The following ARPC4 variants were observed in gnomAD, a reference collection of about 807,000 sequenced individuals.
ARPC4 encodes actin-related protein 2/3 complex subunit 4.
A neutral mutation model predicts 22.8 loss-of-function variants in ARPC4; 3 were observed. The observed-to-expected ratio is 0.13, with a 90% confidence interval of 0.06 to 0.34. The LOEUF (loss-of-function observed/expected upper bound fraction) is 0.34, where lower values mean the gene tolerates loss of function less well. Among genes scored for constraint, ARPC4 ranks in the 10% least tolerant of loss-of-function variants. The pLI is 1.00. For synonymous variants in ARPC4, 80 were observed against 72.5 expected (o/e 1.10, Z -0.52); for missense variants, 98 against 211.0 (o/e 0.46, Z 3.32).
intron 1 of ARPC4, among the ~76,000 whole-genome samples, chr3:9,795,717 T>C (rs575494252): frequency 2.6e-5 from 4 of 152,280 alleles, no homozygotes; most frequent in African/African-American, 7.2e-5. Context: ...CTGAGCTAGG[T>C]TGGAGGCTAT....
Position 9,804,027 on chromosome 3 carries a change from T to C in ARPC4, c.501+14T>C. On this transcript the variant is annotated intron_variant, in intron 5 of 5. Coordinates refer to ENST00000397261, the MANE Select transcript of ARPC4 (RefSeq NM_005718.5). ...TTCCTTAAGAATGTGAGTAGGGGCC[T>C]TTAGCTTTCCTTCCAGAGGCCAGAG... The C allele has an allele frequency of 6.2e-7, 1 of 1,612,284 alleles. No individual in the cohort carries two copies. The highest frequency in any genetic ancestry group is 8.5e-7 in the Non-Finnish European group (1 of 1,178,926).
intron 5 of ARPC4, 71 bp from the exon 6 acceptor site, chr3:9,806,139 C>G (rs1166967544): frequency 1.2e-5 from 19 of 1,552,180 alleles, no homozygotes; most frequent in African/African-American, 4.1e-5. Flanking sequence ...CAGGTTCATG[C>G]ACCTCCTTAG....
upstream of ARPC4, chr3:9,792,834 G>A (rs756497901): frequency 3.8e-5 from 51 of 1,359,202 alleles, no homozygotes; most frequent in Non-Finnish European, 4.6e-5. Context: ...GGGGGAGGCT[G>A]TGGCAAAGGT....
At chr3:9,796,863 C>T (rs2078903466) in intron 1 of ARPC4, among the ~76,000 whole-genome samples, 1 of 150,214 alleles carries the variant, frequency 6.7e-6, no homozygotes, top group Non-Finnish European at 1.5e-5. Flanking sequence ...AGGGCATGAA[C>T]CCGGGAGGTG....
intron 5 of ARPC4, 53 bp downstream of exon 5, chr3:9,804,066 T>A: frequency 3.8e-6 from 6 of 1,592,814 alleles, no homozygotes; most frequent in Non-Finnish European, 5.1e-6. Context: ...CTGGGGGTCA[T>A]GTTGAGAACT....
Position 9,800,308 on chromosome 3 carries a change from A to G in ARPC4, c.234+12A>G, listed in dbSNP as rs760436362. The G allele has an allele frequency of 9.3e-6, 15 of 1,613,646 alleles. No individual in the cohort carries two copies. Among genetic ancestry groups the G allele is most frequent in the East Asian group, 6.7e-5 (3 of 44,886 alleles). On this transcript the variant is annotated intron_variant, in intron 3 of 5. Coordinates refer to ENST00000397261, the MANE Select transcript of ARPC4 (RefSeq NM_005718.5). ...TTGCTGTGAAACAGGTAAGTTCACC[A>G]TGGAGGAGGCCCAACGTAAGGCCTC...
upstream of ARPC4, chr3:9,793,061 G>T: frequency 3.2e-6 from 5 of 1,544,996 alleles, no homozygotes; most frequent in Non-Finnish European, 4.4e-6. Flanking sequence ...TCGCGAAAGG[G>T]CAGGCATCGC....
intron 1 of ARPC4, among the ~76,000 whole-genome samples, chr3:9,795,166 T>A (rs1356748567): frequency 6.6e-6 from 1 of 152,004 alleles, no homozygotes; most frequent in African/African-American, 2.4e-5. Flanking sequence ...CCACAGCTAA[T>A]TTTTTGTATT....
At chr3:9,794,745 C>T (rs1329963726) in intron 1 of ARPC4, among the ~76,000 whole-genome samples, 1 of 152,140 alleles carries the variant, frequency 6.6e-6, no homozygotes, top group Non-Finnish European at 1.5e-5. Context: ...TTTCCGTCAC[C>T]CCAAAAAGTT....
At position 9,796,095 on chromosome 3, in the gene ARPC4, C is replaced by A. The variant is rs780827248; in HGVS notation, c.4-1564C>A. On this transcript the variant is annotated intron_variant, in intron 1 of 5. Coordinates refer to ENST00000397261, the MANE Select transcript of ARPC4 (RefSeq NM_005718.5). ...TGGACAACAGAGTAAGACTCTGTCTCAAAAAAAAATAAAAAAGGCCAGGCA... is the reference window on the plus strand; with the variant it reads ...TGGACAACAGAGTAAGACTCTGTCTAAAAAAAAAATAAAAAAGGCCAGGCA... Among the ~76,000 whole-genome samples, 4 of 149,788 alleles carry A rather than the reference C, an allele frequency of 2.7e-5. 1 individual carries two copies. Among genetic ancestry groups the A allele is most frequent in the African/African-American group, 9.8e-5 (4 of 40,692 alleles).
chr3:9,804,229 TC>T, intron 5 of ARPC4: 1 of 491,054 alleles, frequency 2.0e-6, no homozygotes, highest in Non-Finnish European at 3.6e-6. Context: ...TATTTGGGTG[TC>T]TGGGGTGGCT....
intron 3 of ARPC4, among the ~76,000 whole-genome samples, chr3:9,801,111 T>C (rs529751047): frequency 6.9e-6 from 1 of 145,504 alleles, no homozygotes; most frequent in Admixed American, 7.3e-5. Flanking sequence ...CTTGGGAGGC[T>C]GAGGCAGGAG....
rs373432995 is a variant in ARPC4, at chr3:9,806,299, G to A, written c.*84G>A. ...GTCCTGGAGTCACTCCCCGAGCAGC[G>A]CGGCGGCGGCAGGGAGTTGGGTTGG... is the stretch of plus-strand genomic sequence containing the variant. On this transcript the variant is annotated 3_prime_UTR_variant, in exon 6 of 6. Transcript: ENST00000397261. The A allele has an allele frequency of 9.0e-5, 135 of 1,500,984 alleles. 3 individuals are homozygous for A. The South Asian group carries it at 1.3e-3, about 15-fold the overall frequency. The allele number at this position is 1,500,984 out of a possible 1,614,324, so 93.0% of individuals were successfully genotyped here.
At chr3:9,797,536 A>G (rs1245334684) in intron 1 of ARPC4, 123 bp from the exon 2 acceptor site, 10 of 1,060,184 alleles carry the variant, frequency 9.4e-6, no homozygotes, top group African/African-American at 4.7e-5. Flanking sequence ...TTCTGTTCAC[A>G]GTAGTGTCTT....
At position 9,799,914 on chromosome 3, in the gene ARPC4, C is replaced by G. The variant is rs148598935; in HGVS notation, c.123-271C>G. On this transcript the variant is annotated intron_variant, in intron 2 of 5. Coordinates refer to ENST00000397261, the MANE Select transcript of ARPC4 (RefSeq NM_005718.5). ...TGAATTAGGAATCAGAGTCATTTTA[C>G]AGATGAGAAAATTGAGATTCCAACA... The G allele has an allele frequency of 1.6e-3, 945 of 577,060 alleles. 11 individuals carry two copies. The highest frequency in any genetic ancestry group is 0.01 in the East Asian group (266 of 25,546). 35.7% of individuals were successfully genotyped at this position (577,060 alleles called of 1,614,324 possible).
chr3:9,800,167 G>C lies in ARPC4; in HGVS notation c.123-18G>C. 1 of 1,613,306 alleles carries C rather than the reference G, an allele frequency of 6.2e-7. No individual in the cohort carries two copies. Among genetic ancestry groups the C allele is most frequent in the South Asian group, 1.1e-5 (1 of 90,938 alleles). ...TATCCCTCTGTAGTACAAGTACTCT[G>C]TCACATTATGTTTTCAGGAGTAGCA... On this transcript the variant is annotated intron_variant, in intron 2 of 5. Transcript: ENST00000397261.
In ARPC4 at chr3:9,793,109, G is replaced by A. The variant is rs1416503813; in HGVS notation, c.-13G>A. ...TTCCGTACTTCCGCTTTCCGGCCCA[G>A]CCAGCGCCCGCGATGGTGAGAGAGC... On this transcript the variant is annotated 5_prime_UTR_variant, in exon 1 of 6. Transcript: ENST00000397261. 1.9e-6 allele frequency: 3 copies of A among 1,544,054 alleles called. No individual in the cohort carries two copies. The highest frequency in any genetic ancestry group is 2.6e-6 in the Non-Finnish European group (3 of 1,144,250).
upstream of ARPC4, chr3:9,792,825 G>T: frequency 7.4e-7 from 1 of 1,357,424 alleles, no homozygotes; most frequent in Non-Finnish European, 9.4e-7. Context: ...TGCATACCTG[G>T]GGGAGGCTGT....
Position 9,806,521 on chromosome 3 carries a change from T to A in ARPC4, c.*306T>A. 1 of 375,670 alleles carries A rather than the reference T, an allele frequency of 2.7e-6. No homozygotes were observed. The allele number at this position is 375,670 out of a possible 1,614,324, so 23.3% of individuals were successfully genotyped here. On this transcript the variant is annotated 3_prime_UTR_variant, in exon 6 of 6. Transcript: ENST00000397261. The stretch of plus-strand genomic sequence containing the variant: ...GGATACTGTAACCTTTTTGTCTTTT[T>A]TTTTTTTTTTTTTTTTAAACCTCCA...
Sources: gnomAD v4.1 joint callset for allele counts (sites outside exome capture counted in the v4.1 genomes callset) on GRCh38, gnomAD v4.1.1 for gene constraint, MANE v1.5 for transcripts, NCBI Gene and HGNC (gene_info 2026-07-23, HGNC 2026-07-21) for gene names.